SCFD1: variants seen among roughly 807,000 people sequenced by gnomAD.
SCFD1 encodes the protein sec1 family domain-containing protein 1.
SCFD1 carries 37 observed loss-of-function variants against 103.2 expected under a neutral mutation model. The ratio of observed to expected loss-of-function variants is 0.36; its 90% CI spans 0.28 to 0.47. SCFD1 has a LOEUF of 0.47. Among genes scored for constraint, SCFD1 ranks in the 20% least tolerant of loss-of-function variants. The pLI, the probability that SCFD1 is intolerant of heterozygous loss-of-function variation, is 1.00. For synonymous variants in SCFD1, 264 were observed against 245.0 expected (o/e 1.08, Z -0.73); for missense variants, 639 against 761.2 (o/e 0.84, Z 1.89).
At chr14:30,698,976 G>C (rs1483942088) in intron 15 of SCFD1, among the ~76,000 whole-genome samples, 1 of 152,192 alleles carries the variant, frequency 6.6e-6, no homozygotes, top group Non-Finnish European at 1.5e-5. Context: ...AGCACTTCAA[G>C]AGGTTTTGAA....
At chr14:30,677,998 C>G (rs1297075316) in intron 14 of SCFD1, among the ~76,000 whole-genome samples, 1 of 151,780 alleles carries the variant, frequency 6.6e-6, no homozygotes, top group Non-Finnish European at 1.5e-5. Flanking sequence ...GACCACCATG[C>G]CCAGCTAATT....
chr14:30,696,731 C>G (rs1890727869), intron 15 of SCFD1, among the ~76,000 whole-genome samples: 1 of 152,140 alleles, frequency 6.6e-6, no homozygotes, highest in Non-Finnish European at 1.5e-5. Context: ...AACAAACCAG[C>G]TTGGGCCTAG....
chr14:30,659,238 T>C, intron 10 of SCFD1, among the ~76,000 whole-genome samples: 1 of 151,682 alleles, frequency 6.6e-6, no homozygotes, highest in South Asian at 2.1e-4. Context: ...TGGAACATTT[T>C]ACAAAGTTTT....
chr14:30,645,575 T>A (rs1163994215), intron 7 of SCFD1, among the ~76,000 whole-genome samples: 1 of 152,214 alleles, frequency 6.6e-6, no homozygotes, highest in Non-Finnish European at 1.5e-5. Context: ...GGTATTTTCT[T>A]CTTTTTGTGG....
intron 14 of SCFD1, among the ~76,000 whole-genome samples, chr14:30,683,966 TAAGAAA>T (rs1257502355): frequency 6.6e-6 from 1 of 152,100 alleles, no homozygotes; most frequent in Admixed American, 6.5e-5. Context: ...TAGACTGAGG[TAAGAAA>T]TGGGAATTAT....
At chr14:30,638,070 A>G (rs749533663) in intron 4 of SCFD1, 55 bp from the exon 5 acceptor site, 4 of 1,479,474 alleles carry the variant, frequency 2.7e-6, no homozygotes, top group Non-Finnish European at 3.6e-6. Flanking sequence ...GTTGAAACAT[A>G]TGTATTCATG....
At chr14:30,715,246 A>G (rs1239686283) in intron 19 of SCFD1, 1 of 152,212 alleles carries the variant, frequency 6.6e-6, no homozygotes, top group East Asian at 1.9e-4. Flanking sequence ...TTATTTTTAA[A>G]GAGAACTTTT....
At chr14:30,691,822 A>G (rs944933879) in intron 14 of SCFD1, among the ~76,000 whole-genome samples, 5 of 152,206 alleles carry the variant, frequency 3.3e-5, no homozygotes, top group African/African-American at 1.2e-4. Context: ...TTACTACATC[A>G]AAAAGAGCAA....
intron 12 of SCFD1, among the ~76,000 whole-genome samples, chr14:30,673,684 A>C (rs1027872432): frequency 6.6e-6 from 1 of 152,204 alleles, no homozygotes. Context: ...TCCTTATCCA[A>C]AAATGCCAGC....
chr14:30,667,965 C>T (rs202128499), intron 10 of SCFD1, among the ~76,000 whole-genome samples: 14 of 151,982 alleles, frequency 9.2e-5, no homozygotes, highest in South Asian at 2.1e-4. Context: ...ATCGTGAAAA[C>T]GGCCATACTG....
At chr14:30,675,956 A>C (rs920403059) in intron 14 of SCFD1, among the ~76,000 whole-genome samples, 1 of 152,168 alleles carries the variant, frequency 6.6e-6, no homozygotes, top group African/African-American at 2.4e-5. Context: ...TCTTTGTTTC[A>C]CATCTTGGTA....
chr14:30,629,435 G>T (rs1883864898), intron 2 of SCFD1, among the ~76,000 whole-genome samples: 1 of 151,944 alleles, frequency 6.6e-6, no homozygotes, highest in South Asian at 2.1e-4. Flanking sequence ...TCTTTTATTT[G>T]TCTTAACCGT....
intron 1 of SCFD1, among the ~76,000 whole-genome samples, chr14:30,625,596 T>C (rs1883310830): frequency 6.8e-6 from 1 of 147,610 alleles, no homozygotes; most frequent in African/African-American, 2.5e-5. Context: ...CAAATCCTTT[T>C]TGTTATAGGT....
At chr14:30,679,356 G>T (rs1052869337) in intron 14 of SCFD1, among the ~76,000 whole-genome samples, 1 of 152,100 alleles carries the variant, frequency 6.6e-6, no homozygotes, top group Non-Finnish European at 1.5e-5. Context: ...GAACATGATG[G>T]TTTAAATAAA....
At chr14:30,679,279 G>A (rs1889284516) in intron 14 of SCFD1, among the ~76,000 whole-genome samples, 1 of 148,368 alleles carries the variant, frequency 6.7e-6, no homozygotes, top group Non-Finnish European at 1.5e-5. Context: ...TTGCATTTAT[G>A]TCAATTGTAT....
chr14:30,711,014 C>T (rs1047980532), intron 19 of SCFD1, among the ~76,000 whole-genome samples: 2 of 152,160 alleles, frequency 1.3e-5, no homozygotes, highest in Non-Finnish European at 2.9e-5. Flanking sequence ...AAGTTTTGTG[C>T]ATCACAAGTA....
At chr14:30,703,922 T>C (rs1161451288) in intron 17 of SCFD1, among the ~76,000 whole-genome samples, 9 of 45,628 alleles carry the variant, frequency 2.0e-4, no homozygotes, top group African/African-American at 9.9e-4. Flanking sequence ...TATATATATA[T>C]ATATATATAT....
At chr14:30,713,401 A>G (rs1372033902) in intron 19 of SCFD1, among the ~76,000 whole-genome samples, 1 of 140,764 alleles carries the variant, frequency 7.1e-6, no homozygotes, top group Non-Finnish European at 1.5e-5. Context: ...CTGAAAAACC[A>G]GACAAAAACA....
At chr14:30,705,969 A>G in intron 18 of SCFD1, 84 bp downstream of exon 18, 1 of 1,067,256 alleles carries the variant, frequency 9.4e-7, no homozygotes, top group Non-Finnish European at 1.4e-6. Flanking sequence ...AATGTCTGAT[A>G]CTTTGAATGC....
Sources: allele counts gnomAD v4.1 joint callset (sites outside exome capture counted in the v4.1 genomes callset), GRCh38; gene constraint gnomAD v4.1.1; transcripts MANE v1.5; gene names NCBI Gene and HGNC (gene_info 2026-07-23, HGNC 2026-07-21).